The following GRAMD2A variants were observed in gnomAD, a reference collection of about 807,000 sequenced individuals.
The protein encoded by GRAMD2A is GRAM domain containing 2A, also known as GRAM domain-containing protein 2A.
Under a neutral mutation model 51.1 loss-of-function variants are expected in GRAMD2A, and 37 were observed. The observed-to-expected ratio is 0.72, with a 90% CI of 0.56 to 0.95. GRAMD2A has a LOEUF of 0.95. GRAMD2A is among the 40% of genes least tolerant of loss of function. The pLI is 0.00. For missense variants in GRAMD2A, 414 were observed against 426.9 expected (o/e 0.97, Z 0.27); for synonymous variants, 136 against 157.1 (o/e 0.87, Z 1.01).
intron 5 of GRAMD2A, 28 bp from the exon 6 acceptor site, chr15:72,167,120 G>A: frequency 6.5e-7 from 1 of 1,531,602 alleles, no homozygotes; most frequent in Non-Finnish European, 9.1e-7. Flanking sequence ...GCTTCTCTCA[G>A]GACTAACCCC....
intron 1 of GRAMD2A, among the ~76,000 whole-genome samples, chr15:72,186,626 A>T (rs2081736259): frequency 6.6e-6 from 1 of 152,194 alleles, no homozygotes; most frequent in Non-Finnish European, 1.5e-5. Context: ...CCCAGCCAAG[A>T]AATACAAATT....
chr15:72,174,069 C>G (rs1305079345), intron 1 of GRAMD2A: 1 of 152,000 alleles, frequency 6.6e-6, no homozygotes, highest in East Asian at 1.9e-4. Context: ...GGCTCAGAGA[C>G]CCTGCCTATG....
intron 1 of GRAMD2A, among the ~76,000 whole-genome samples, chr15:72,183,136 G>A (rs2081708703): frequency 1.3e-5 from 2 of 151,688 alleles, no homozygotes; most frequent in South Asian, 4.1e-4. Flanking sequence ...GCCTCCCAAA[G>A]TGTTGGGATT....
intron 1 of GRAMD2A, among the ~76,000 whole-genome samples, chr15:72,189,694 G>A (rs774184694): frequency 3.9e-5 from 6 of 152,224 alleles, no homozygotes; most frequent in Admixed American, 6.5e-5. Context: ...ACGTTTTAGT[G>A]AGCACCTACT....
chr15:72,180,603 G>T lies in GRAMD2A; in HGVS notation c.42-10664C>A, dbSNP rs755722179. ...AGACAGCCCACCCCAACCACCCTGGGATACCCACCTCAGAATTACTCTGGC... is the reference window on the plus strand; with the variant it reads ...AGACAGCCCACCCCAACCACCCTGGTATACCCACCTCAGAATTACTCTGGC... On this transcript the variant is annotated intron_variant, in intron 1 of 11. Transcript: ENST00000309731. 7.0e-4 allele frequency among the ~76,000 whole-genome samples: 106 copies of T among 152,198 alleles called. 2 individuals carry two copies. The highest frequency in any genetic ancestry group is 3.1e-4 in the Non-Finnish European group (21 of 68,044).
intron 1 of GRAMD2A, among the ~76,000 whole-genome samples, chr15:72,181,502 A>G (rs1040214862): frequency 1.3e-5 from 2 of 152,226 alleles, no homozygotes. Flanking sequence ...GAGAGAGATC[A>G]GGTGAAAGGC....
rs28478343 is a variant in GRAMD2A at position 72,184,132 on chromosome 15, G to A, written c.41+13599C>T. On this transcript the variant is annotated intron_variant, in intron 1 of 11. Transcript: ENST00000309731. ...CCCGAGGGGGTTGTTTGCAGTCGGG[G>A]AGGGAGAGGGACTGCCCTCGCCCCA... Among the ~76,000 whole-genome samples the A allele has an allele frequency of 3.9e-5, 6 of 152,366 alleles. No individual in the cohort carries two copies. The South Asian group carries it at 1.2e-3, about 32-fold the overall frequency.
chr15:72,168,739 C>A (rs1409037531), intron 3 of GRAMD2A, among the ~76,000 whole-genome samples, 173 bp from the exon 4 acceptor site: 1 of 152,244 alleles, frequency 6.6e-6, no homozygotes, highest in African/African-American at 2.4e-5. Flanking sequence ...CACAGCTTGT[C>A]TCCTGGTGCT....
chr15:72,191,894 G>T (rs4238451), intron 1 of GRAMD2A, among the ~76,000 whole-genome samples: 145,333 of 152,292 alleles, frequency 0.95, 69,724 homozygotes, highest in East Asian at 1. Context: ...ATTCAAAATG[G>T]CAACTCTTTG....
intron 1 of GRAMD2A, among the ~76,000 whole-genome samples, chr15:72,178,782 G>T (rs2081674844): frequency 6.6e-6 from 1 of 151,818 alleles, no homozygotes; most frequent in Non-Finnish European, 1.5e-5. Flanking sequence ...CACCGTGTTA[G>T]CCAGGATGGT....
At chr15:72,162,464 T>G (rs1055957129) in intron 10 of GRAMD2A, 87 bp from the exon 11 acceptor site, 8 of 920,758 alleles carry the variant, frequency 8.7e-6, no homozygotes, top group Non-Finnish European at 1.4e-5. Flanking sequence ...GGGACCAAGC[T>G]ACCCCTGCAG....
At chr15:72,169,749 C>T (rs1424165052) in intron 2 of GRAMD2A, 98 bp downstream of exon 2, 4 of 990,132 alleles carry the variant, frequency 4.0e-6, no homozygotes, top group Non-Finnish European at 6.5e-6. Flanking sequence ...CAAAGGGGCC[C>T]CGGCTCTGCC....
At chr15:72,187,736 A>G (rs1454518129) in intron 1 of GRAMD2A, among the ~76,000 whole-genome samples, 2 of 152,136 alleles carry the variant, frequency 1.3e-5, no homozygotes, top group Non-Finnish European at 2.9e-5. Context: ...CTAGTCTCAA[A>G]TTCCTGGGCT....
chr15:72,165,260 G>T lies in GRAMD2A; in HGVS notation c.600+94C>A, dbSNP rs1041219308. Reference sequence around the variant, plus strand: ...ACTGACTCTTGAGCCTGGTGCCCCAGTTCTGCATTGTGGGCCCCCCTAGGA... The same window carrying T: ...ACTGACTCTTGAGCCTGGTGCCCCATTTCTGCATTGTGGGCCCCCCTAGGA... On this transcript the variant is annotated intron_variant, in intron 8 of 11. Coordinates refer to ENST00000309731, the MANE Select transcript of GRAMD2A (RefSeq NM_001012642.3). 41 of 1,121,700 alleles carry T rather than the reference G, an allele frequency of 3.7e-5. No individual in the cohort carries two copies. In the South Asian group the frequency reaches 5.3e-4, roughly 15 times the overall value. The allele number at this position is 1,121,700 out of a possible 1,614,324, so 69.5% of individuals were successfully genotyped here.
intron 1 of GRAMD2A, among the ~76,000 whole-genome samples, chr15:72,189,230 C>G (rs919417065): frequency 9.2e-5 from 14 of 152,318 alleles, no homozygotes; most frequent in African/African-American, 3.1e-4. Context: ...AAATCTCATT[C>G]TTCACTACAT....
Position 72,170,848 on chromosome 15 carries a change from G to T in GRAMD2A, c.42-909C>A, listed in dbSNP as rs1444048467. Among the ~76,000 whole-genome samples, 2 of 152,176 alleles carry T rather than the reference G, an allele frequency of 1.3e-5. No individual in the cohort carries two copies. The highest frequency in any genetic ancestry group is 2.9e-5 in the Non-Finnish European group (2 of 68,026). ...CAAGGTCACGTGCAGTGGTCCTGCTGCAGATTAGGAGCTGGAGCCTGGAAC... is the reference window on the plus strand; with the variant it reads ...CAAGGTCACGTGCAGTGGTCCTGCTTCAGATTAGGAGCTGGAGCCTGGAAC... On this transcript the variant is annotated intron_variant, in intron 1 of 11. Coordinates refer to ENST00000309731, the MANE Select transcript of GRAMD2A (RefSeq NM_001012642.3). The surrounding 1 kb of genome is among the most constrained non-coding windows in gnomAD (Gnocchi z 4.5).
At chr15:72,188,268 C>T (rs569430230) in intron 1 of GRAMD2A, among the ~76,000 whole-genome samples, 39 of 150,154 alleles carry the variant, frequency 2.6e-4, no homozygotes, top group Non-Finnish European at 4.4e-4. Flanking sequence ...ACCCAGGAGG[C>T]GGAAATTACA....
At chr15:72,178,736 G>A (rs28414926) in intron 1 of GRAMD2A, among the ~76,000 whole-genome samples, 3,197 of 151,674 alleles carry the variant, frequency 0.021, 112 homozygotes, top group African/African-American at 0.075. Context: ...CACCACGCCC[G>A]GCTAATTTTT....
At chr15:72,185,560 G>A (rs572275025) in intron 1 of GRAMD2A, among the ~76,000 whole-genome samples, 8 of 152,256 alleles carry the variant, frequency 5.3e-5, no homozygotes, top group Non-Finnish European at 7.3e-5. Context: ...CAGGGTGCAC[G>A]TGCATGTGCA....
Sources: allele counts gnomAD v4.1 joint callset (sites outside exome capture counted in the v4.1 genomes callset), GRCh38; gene constraint gnomAD v4.1.1; non-coding constraint Gnocchi (gnomAD v3.1); transcripts MANE v1.5; gene names NCBI Gene and HGNC (gene_info 2026-07-23, HGNC 2026-07-21).